AGL: variants seen among roughly 807,000 people sequenced by gnomAD.
The protein encoded by AGL is amylo-alpha-1,6-glucosidase and 4-alpha-glucanotransferase.
A neutral mutation model predicts 199.3 loss-of-function variants in AGL; 128 were observed. That is an observed-to-expected ratio of 0.64 (90% CI 0.56 to 0.74). The LOEUF (loss-of-function observed/expected upper bound fraction) is 0.74. AGL is among the 30% of genes least tolerant of loss of function. AGL has a pLI of 0.00. For synonymous variants in AGL, 584 were observed against 594.7 expected (o/e 0.98, Z 0.26); for missense variants, 1,809 against 1,820.8 (o/e 0.99, Z 0.12).
intron 25 of AGL, among the ~76,000 whole-genome samples, chr1:99,898,642 C>G (rs1653533319): frequency 6.6e-6 from 1 of 152,084 alleles, no homozygotes; most frequent in African/African-American, 2.4e-5. Context: ...AAGCAGCCTT[C>G]TATATACTGA....
chr1:99,871,721 C>G (rs1020406023), intron 7 of AGL, among the ~76,000 whole-genome samples: 1 of 152,096 alleles, frequency 6.6e-6, no homozygotes, highest in Non-Finnish European at 1.5e-5. Context: ...TTAATATTAA[C>G]TTTTCTCCCT....
In AGL at chr1:99,856,278, AAAG is replaced by A. The variant is rs373833330; in HGVS notation, c.82+5157_82+5159del. ...CGCTGATATATCTATTGGGCTACAG[AAAG>A]AAAATATAACATCCCTTCCTTCCTT... On this transcript the variant is annotated intron_variant, in intron 2 of 33. Coordinates refer to ENST00000361915, the MANE Select transcript of AGL (RefSeq NM_000642.3). 5.2e-3 allele frequency among the ~76,000 whole-genome samples: 788 copies of A among 150,656 alleles called. 10 individuals are homozygous for A. The highest frequency in any genetic ancestry group is 0.018 in the African/African-American group (736 of 40,614).
chr1:99,861,943 C>T (rs1407394152), intron 3 of AGL, among the ~76,000 whole-genome samples: 1 of 152,086 alleles, frequency 6.6e-6, no homozygotes. Context: ...GTAGTAATTT[C>T]ATGCAACCTG....
At chr1:99,850,796 T>C (rs1265488423) in intron 1 of AGL, 179 bp from the exon 2 acceptor site, 3 of 508,190 alleles carry the variant, frequency 5.9e-6, no homozygotes, top group Non-Finnish European at 1.1e-5. Flanking sequence ...TTCGTTGTGC[T>C]CAAAGGCAGG....
chr1:99,888,119 G>A lies in AGL; in HGVS notation c.2812+11G>A, dbSNP rs555929. ...ATGCAGGTCTTCAAGGTAAGCAAATGGAAGGATAGCTGAGCTTTGTGTTTT... is the reference window on the plus strand; with the variant it reads ...ATGCAGGTCTTCAAGGTAAGCAAATAGAAGGATAGCTGAGCTTTGTGTTTT... On this transcript the variant is annotated intron_variant, in intron 21 of 33. Coordinates refer to ENST00000361915, the MANE Select transcript of AGL (RefSeq NM_000642.3). The A allele has an allele frequency of 0.69, 1,113,291 of 1,611,480 alleles. 385,870 individuals carry two copies. The highest frequency in any genetic ancestry group is 0.73 in the South Asian group (66,489 of 91,004).
chr1:99,912,234 G>A lies in AGL; in HGVS notation c.3837-171G>A, dbSNP rs905342325. On this transcript the variant is annotated intron_variant, in intron 28 of 33. Coordinates refer to ENST00000361915, the MANE Select transcript of AGL (RefSeq NM_000642.3). ...GAGGATGATAGACAATGGCAAAACC[G>A]TGAGAGGAAAAAATCTTTACATGAT... Among the ~76,000 whole-genome samples, 7 of 152,146 alleles carry A rather than the reference G, an allele frequency of 4.6e-5. 1 individual carries two copies. Among genetic ancestry groups the A allele is most frequent in the Non-Finnish European group, 5.9e-5 (4 of 68,010 alleles).
chr1:99,916,172 T>G (rs1655097892), intron 31 of AGL, among the ~76,000 whole-genome samples: 1 of 152,168 alleles, frequency 6.6e-6, no homozygotes, highest in Admixed American at 6.5e-5. Flanking sequence ...TACCAGAATA[T>G]TTTACATTTT....
At chr1:99,865,378 GTAAACTCTCA>G (rs1650422932) in intron 5 of AGL, among the ~76,000 whole-genome samples, 1 of 152,154 alleles carries the variant, frequency 6.6e-6, no homozygotes, top group Non-Finnish European at 1.5e-5. Flanking sequence ...AAACTTATTA[GTAAACTCTCA>G]GAAGTTGTAT....
chr1:99,922,731 G>GT lies in AGL; in HGVS notation c.*1086dup, dbSNP rs1244075345. The GT allele has an allele frequency of 6.6e-6, 1 of 151,802 alleles. No homozygotes were observed. The highest frequency in any genetic ancestry group is 2.4e-5 in the African/African-American group (1 of 41,378). 9.4% of individuals were successfully genotyped at this position (151,802 alleles called of 1,614,324 possible). ...TATTTCCTAGATAGAATTTTTTACT[G>GT]TTTTTTACTGTTTTCTTAAGAAAAC... On this transcript the variant is annotated 3_prime_UTR_variant, in exon 34 of 34. Coordinates refer to ENST00000361915, the MANE Select transcript of AGL (RefSeq NM_000642.3).
chr1:99,914,310 T>C (rs1042824773), intron 30 of AGL, among the ~76,000 whole-genome samples: 1 of 152,220 alleles, frequency 6.6e-6, no homozygotes, highest in Non-Finnish European at 1.5e-5. Flanking sequence ...TGGAAAGCCC[T>C]GAACTAGTGA....
intron 33 of AGL, among the ~76,000 whole-genome samples, chr1:99,919,609 C>A (rs1034155174): frequency 6.6e-6 from 1 of 152,172 alleles, no homozygotes; most frequent in Non-Finnish European, 1.5e-5. Context: ...ACACACTTAT[C>A]TTCATCTCAA....
intron 2 of AGL, among the ~76,000 whole-genome samples, chr1:99,852,029 T>G (rs752431216): frequency 1.3e-5 from 2 of 151,466 alleles, no homozygotes; most frequent in Non-Finnish European, 2.9e-5. Flanking sequence ...CTGGTTTTGA[T>G]TTTTTTTTCC....
At chr1:99,915,068 G>C (rs1404926115) in intron 30 of AGL, among the ~76,000 whole-genome samples, 3 of 152,122 alleles carry the variant, frequency 2.0e-5, no homozygotes, top group Admixed American at 6.5e-5. Flanking sequence ...GACAGAGTGA[G>C]ACCCTGTCTC....
At chr1:99,916,928 A>G (rs1405624925) in intron 33 of AGL, among the ~76,000 whole-genome samples, 197 bp downstream of exon 33, 1 of 152,054 alleles carries the variant, frequency 6.6e-6, no homozygotes, top group African/African-American at 2.4e-5. Flanking sequence ...TATTTATTTT[A>G]AGTTGAGGTC....
chr1:99,864,597 C>T lies in AGL; in HGVS notation c.664+8C>T. On this transcript the variant is annotated splice_region_variant and intron_variant, in intron 5 of 33. Transcript: ENST00000361915. ...TTGTCTACAATCATACTGGTATGAG[C>T]TTCATTGACTGCCTTCATTAATTTT... is the stretch of plus-strand genomic sequence containing the variant. The T allele has an allele frequency of 6.2e-7, 1 of 1,604,810 alleles. No homozygotes were observed. The highest frequency in any genetic ancestry group is 1.1e-5 in the South Asian group (1 of 90,750).
At chr1:99,857,835 A>AGGGGGAGGGGGGAGAGGGAGGCCG (rs1157864650) in intron 2 of AGL, among the ~76,000 whole-genome samples, 1 of 3,670 alleles carries the variant, frequency 2.7e-4, no homozygotes, top group Admixed American at 3.2e-3. Context: ...GACCGTGGGG[A>AGGGGGAGGGGGGAGAGGGAGGCCG]GGGGGAGGGG....
chr1:99,891,362 T>C lies in AGL; in HGVS notation c.2949+6T>C, dbSNP rs1557772463. 1 of 1,613,436 alleles carries C rather than the reference T, an allele frequency of 6.2e-7. No homozygotes were observed. On this transcript the variant is annotated splice_donor_region_variant and intron_variant, in intron 22 of 33. Coordinates refer to ENST00000361915, the MANE Select transcript of AGL (RefSeq NM_000642.3). Reference sequence around the variant, plus strand: ...GATCAGGAACTATTGCTGAAGTAAGTAGAGCTATATTATCGTCCCAAAAAA... The same window carrying C: ...GATCAGGAACTATTGCTGAAGTAAGCAGAGCTATATTATCGTCCCAAAAAA...
chr1:99,877,780 G>A lies in AGL; in HGVS notation c.1563G>A (p.Gln521=). ...KYTEITATYF[Q]GVRLDNCHST... is the part of the protein sequence containing the mutation. ...CTGAAATAACTGCAACTTATTTCCA[G>A]GGAGTACGTCTTGATAACTGCCACT... Residue 521 remains glutamine (Q), a synonymous_variant, in exon 12 of 34, where the codon CAG becomes CAA. Transcript: ENST00000361915. 6.2e-7 allele frequency: 1 copy of A among 1,614,066 alleles called. No individual in the cohort carries two copies. The highest frequency in any genetic ancestry group is 2.2e-5 in the East Asian group (1 of 44,838).
chr1:99,899,462 CT>C (rs1653619395), intron 25 of AGL, among the ~76,000 whole-genome samples: 2 of 151,702 alleles, frequency 1.3e-5, no homozygotes, highest in Non-Finnish European at 2.9e-5. Context: ...AGTTTTTAAA[CT>C]GGTTGAATTA....
Sources: allele counts gnomAD v4.1 joint callset (sites outside exome capture counted in the v4.1 genomes callset), GRCh38; gene constraint gnomAD v4.1.1; transcripts MANE v1.5; gene names NCBI Gene and HGNC (gene_info 2026-07-23, HGNC 2026-07-21).